The following RASIP1 variants were observed in gnomAD, a reference collection of about 807,000 sequenced individuals.
RASIP1 encodes Ras interacting protein 1, also known as ras-interacting protein 1.
RASIP1 carries 20 observed loss-of-function variants against 85.3 expected under a neutral mutation model. That is an observed-to-expected ratio of 0.23 (90% confidence interval 0.17 to 0.34). The LOEUF is 0.34. Among genes scored for constraint, RASIP1 ranks in the 10% least tolerant of loss-of-function variants. RASIP1 has a pLI of 1.00. For missense variants in RASIP1, 1,170 were observed against 1,390.9 expected (o/e 0.84, Z 2.53); for synonymous variants, 617 against 647.1 (o/e 0.95, Z 0.71).
At position 48,735,376 on chromosome 19, in the gene RASIP1, C is replaced by G; in HGVS notation, c.999G>C (p.Gln333His). 1 of 1,613,382 alleles carries G rather than the reference C, an allele frequency of 6.2e-7. No homozygotes were observed. Among genetic ancestry groups the G allele is most frequent in the Non-Finnish European group, 8.5e-7 (1 of 1,179,880 alleles). Residue 333 changes from glutamine to histidine, a missense_variant, in exon 4 of 12, where the codon CAG becomes CAC. Physicochemically the swap from Gln to His is conservative, Grantham distance 24 (BLOSUM62 0). This residue lies in a region of RASIP1 where 301 missense variants were observed against 294.8 expected (regional missense o/e 1.02). Transcript: ENST00000222145. The stretch of plus-strand genomic sequence containing the variant: ...GCTCCTGCTGCCGCCGCCGCCGCCC[C>G]TGAAGGCTAAGCTCCGACACGCTGC... ...LRRSVSELSL[Q>H]GRRRRQQERR... is the part of the protein sequence containing the mutation.
In RASIP1 at chr19:48,726,788, G is replaced by T; in HGVS notation, c.2124C>A (p.Thr708=). The change falls in exon 8 of 12, where the codon ACC becomes ACA. Residue 708 remains threonine (T), a synonymous_variant. Transcript: ENST00000222145. ...GAAGTAAGAGGCAAGGGCCAACCTT[G>T]GTGAGGTAGTAGACAGACTGCTGGA... The part of the protein sequence containing the change: ...CTFQQSVYYL[T]KTLYSTLPAL... The T allele has an allele frequency of 6.2e-7, 1 of 1,605,708 alleles. No homozygotes were observed. Among genetic ancestry groups the T allele is most frequent in the East Asian group, 2.2e-5 (1 of 44,838 alleles).
intron 6 of RASIP1, 52 bp downstream of exon 6, chr19:48,727,340 CA>C: frequency 6.3e-7 from 1 of 1,598,170 alleles, no homozygotes; most frequent in South Asian, 1.1e-5. Flanking sequence ...GAACTAGACG[CA>C]AAACCCAACC....
chr19:48,740,018 G>T lies in RASIP1; in HGVS notation c.137+128C>A. The T allele has an allele frequency of 7.9e-7, 1 of 1,272,982 alleles. No individual in the cohort carries two copies. The highest frequency in any genetic ancestry group is 1.1e-6 in the Non-Finnish European group (1 of 951,462). 78.9% of individuals were successfully genotyped at this position (1,272,982 alleles called of 1,614,324 possible). A position where few individuals can be genotyped will look rare whatever the true frequency, so the allele number is the denominator to read the frequency against. ...TCACTGTGCCCCACCGTCTCCCCCT[G>T]CCCACCAGCTCGTTTGCCCAATTCA... On this transcript the variant is annotated intron_variant, in intron 2 of 11. Coordinates refer to ENST00000222145, the MANE Select transcript of RASIP1 (RefSeq NM_017805.3). The surrounding 1 kb of genome is among the most constrained non-coding windows in gnomAD (Gnocchi z 5.5).
rs1190658247 is a variant in RASIP1 at position 48,740,155 on chromosome 19, G to A, written c.128C>T (p.Ala43Val). The change falls in exon 2 of 12, where the codon GCC becomes GTC. Residue 43 changes from alanine to valine, a missense_variant. Physicochemically the swap from Ala to Val is moderately conservative, Grantham distance 64. This residue lies in a region of RASIP1 where 299 missense variants were observed against 394.4 expected (regional missense o/e 0.76). Transcript: ENST00000222145. The surrounding 1 kb of genome is among the most constrained non-coding windows in gnomAD (Gnocchi z 5.5). ...CAGAGATGGCACTCACTTGACAGAGGCTGCGCTGGGCCAGCGCCGCCCCAG... is the reference window on the plus strand; with the variant it reads ...CAGAGATGGCACTCACTTGACAGAGACTGCGCTGGGCCAGCGCCGCCCCAG... ...AKLGRRWPSA[A>V]SVKSSSSDTG... The A allele has an allele frequency of 6.3e-7, 1 of 1,592,296 alleles. No homozygotes were observed. The highest frequency in any genetic ancestry group is 1.4e-5 in the African/African-American group (1 of 73,100).
intron 4 of RASIP1, 119 bp from the exon 5 acceptor site, chr19:48,729,709 C>CTTTTTTTTTTTTT (rs35424254): frequency 5.2e-6 from 2 of 381,368 alleles, no homozygotes; most frequent in African/African-American, 7.6e-5. Flanking sequence ...CCTTCTTCTT[C>CTTTTTTTTTTTTT]TTTTTTTTTT....
chr19:48,739,717 A>G lies in RASIP1; in HGVS notation c.138-72T>C. On this transcript the variant is annotated intron_variant, in intron 2 of 11. Coordinates refer to ENST00000222145, the MANE Select transcript of RASIP1 (RefSeq NM_017805.3). The surrounding 1 kb of genome is among the most constrained non-coding windows in gnomAD (Gnocchi z 9.2). Reference sequence around the variant, plus strand: ...GACACGCCAAGACGGGGGTGGGGGCATATTAGGAGGGAAGTGGGCAGAGAC... The same window carrying G: ...GACACGCCAAGACGGGGGTGGGGGCGTATTAGGAGGGAAGTGGGCAGAGAC... 3 of 1,123,220 alleles carry G rather than the reference A, an allele frequency of 2.7e-6. No homozygotes were observed. The highest frequency in any genetic ancestry group is 3.3e-6 in the Non-Finnish European group (3 of 908,552). 69.6% of individuals were successfully genotyped at this position (1,123,220 alleles called of 1,614,324 possible). A position where few individuals can be genotyped will look rare whatever the true frequency, so the allele number is the denominator to read the frequency against.
Position 48,724,713 on chromosome 19 carries a change from T to C in RASIP1, c.2371+4A>G. On this transcript the variant is annotated splice_donor_region_variant and intron_variant, in intron 9 of 11. Transcript: ENST00000222145. This position sits in a 1 kb window ranked among gnomAD's most constrained non-coding sequence, Gnocchi z 4.6. ...CTCCCTGACAGCTCCCAGCCAACCT[T>C]CACCTCGTTCCATCAGCGAGTTGAG... 3.1e-6 allele frequency: 5 copies of C among 1,614,106 alleles called. No individual in the cohort carries two copies. Among genetic ancestry groups the C allele is most frequent in the Non-Finnish European group, 4.2e-6 (5 of 1,180,000 alleles).
chr19:48,737,487 A>G (rs764057780), intron 3 of RASIP1: 24 of 985,160 alleles, frequency 2.4e-5, no homozygotes, highest in Non-Finnish European at 2.9e-5. Context: ...CTCTACAGTG[A>G]TATCTTCCTT....
Position 48,729,109 on chromosome 19 carries a change from G to C in RASIP1, c.1661C>G (p.Ala554Gly), listed in dbSNP as rs899531510. The stretch of plus-strand genomic sequence containing the variant: ...GGCGCGCACGATCTCGCCCAGCAGC[G>C]CCTCCTCCTCGCGCGGCCGGAAGCG... ...VLRFRPREEEALLGEIVRAAA... is the reference protein window; with the variant it reads ...VLRFRPREEEGLLGEIVRAAA... The change falls in exon 5 of 12, where the codon GCG becomes GGG. Residue 554 changes from alanine (A) to glycine (G), a missense_variant. This residue lies in a region of RASIP1 where 426 missense variants were observed against 576.2 expected (regional missense o/e 0.74). Transcript: ENST00000222145. 1.5e-6 allele frequency: 2 copies of C among 1,372,002 alleles called. No homozygotes were observed. The highest frequency in any genetic ancestry group is 1.5e-5 in the African/African-American group (1 of 64,594). 85.0% of individuals were successfully genotyped at this position (1,372,002 alleles called of 1,614,324 possible).
chr19:48,725,937 T>A, intron 8 of RASIP1, among the ~76,000 whole-genome samples: 1 of 152,118 alleles, frequency 6.6e-6, no homozygotes, highest in East Asian at 1.9e-4. Flanking sequence ...TTTAATTTTA[T>A]TTTACTTTTT....
In RASIP1 at chr19:48,727,281, C is replaced by T. The variant is rs184898445; in HGVS notation, c.1871+112G>A. 98 of 1,543,048 alleles carry T rather than the reference C, an allele frequency of 6.4e-5. No individual in the cohort carries two copies. The African/African-American group carries it at 8.8e-4, about 14-fold the overall frequency. ...CCATTGCGCAGCTGGAAAAGTTGAG[C>T]GCAAGGAGAAGCAGAAACTTGCACT... On this transcript the variant is annotated intron_variant, in intron 6 of 11. Transcript: ENST00000222145.
chr19:48,733,052 C>T (rs2033492565), intron 4 of RASIP1, among the ~76,000 whole-genome samples: 1 of 152,142 alleles, frequency 6.6e-6, no homozygotes, highest in Admixed American at 6.6e-5. Context: ...TCCAATAACA[C>T]ATTACTCACT....
chr19:48,733,698 T>C (rs1388463853), intron 4 of RASIP1, among the ~76,000 whole-genome samples: 2 of 151,758 alleles, frequency 1.3e-5, no homozygotes, highest in East Asian at 3.9e-4. Flanking sequence ...TCCCAGCTAC[T>C]CAGGAGGCCG....
At position 48,728,241 on chromosome 19, in the gene RASIP1, T is replaced by C. The variant is rs969069003; in HGVS notation, c.1833+696A>G. 4.6e-5 allele frequency among the ~76,000 whole-genome samples: 7 copies of C among 152,188 alleles called. No homozygotes were observed. The South Asian group carries it at 1.4e-3, about 31-fold the overall frequency. On this transcript the variant is annotated intron_variant, in intron 5 of 11. Transcript: ENST00000222145. ...ATTTGTGCTTCCTCGCCTCCAAGAA[T>C]GAACTCGCTCACTGCTATCCAAGCT...
Position 48,720,732 on chromosome 19 carries a change from A to T in RASIP1, c.*66T>A. 1 of 1,522,260 alleles carries T rather than the reference A, an allele frequency of 6.6e-7. No homozygotes were observed. The highest frequency in any genetic ancestry group is 9.1e-7 in the Non-Finnish European group (1 of 1,101,184). 94.3% of individuals were successfully genotyped at this position (1,522,260 alleles called of 1,614,324 possible). A position where few individuals can be genotyped will look rare whatever the true frequency, so the allele number is the denominator to read the frequency against. On this transcript the variant is annotated 3_prime_UTR_variant, in exon 12 of 12. Transcript: ENST00000222145. ...ACAACTCCCAGAAAGCTTTGCGCTC[A>T]GGCGGGCTCCTGTCCGTAGAAGCCC...
intron 5 of RASIP1, among the ~76,000 whole-genome samples, chr19:48,728,522 T>G: frequency 6.6e-6 from 1 of 152,016 alleles, no homozygotes; most frequent in East Asian, 1.9e-4. Flanking sequence ...TCCCAGCACT[T>G]TGGGAGGCCG....
rs375784788 is a variant in RASIP1 at position 48,724,914 on chromosome 19, G to C, written c.2174C>G (p.Thr725Arg). The C allele has an allele frequency of 6.2e-7, 1 of 1,614,212 alleles. No individual in the cohort carries two copies. The highest frequency in any genetic ancestry group is 2.2e-5 in the East Asian group (1 of 44,886). ...AGGCCCCGGCAGCTCTGCACCAGCT[G>C]TGAAAGGGTTACTATCCAGGAGAGC... is the stretch of plus-strand genomic sequence containing the variant. The part of the protein sequence containing the change: ...LPALLDSNPF[T>R]AGAELPGPGA... The change falls in exon 9 of 12, where the codon ACA becomes AGA. Residue 725 changes from threonine to arginine, a missense_variant. Thr to Arg is a moderately conservative substitution (Grantham distance 71). Coordinates refer to ENST00000222145, the MANE Select transcript of RASIP1 (RefSeq NM_017805.3). This position sits in a 1 kb window ranked among gnomAD's most constrained non-coding sequence, Gnocchi z 4.6.
chr19:48,721,027 T>G (rs758307264), intron 11 of RASIP1, 30 bp from the exon 12 acceptor site: 2 of 1,539,742 alleles, frequency 1.3e-6, no homozygotes, highest in Non-Finnish European at 8.8e-7. Context: ...GCGGTTAGAG[T>G]CTGAAAGTGG....
intron 5 of RASIP1, 102 bp downstream of exon 5, chr19:48,728,835 A>T: frequency 8.2e-7 from 1 of 1,221,810 alleles, no homozygotes; most frequent in Non-Finnish European, 1.1e-6. Flanking sequence ...TGGGAACAGT[A>T]GTATCCAGCC....
Sources: allele counts gnomAD v4.1 joint callset (sites outside exome capture counted in the v4.1 genomes callset), GRCh38; gene constraint gnomAD v4.1.1; regional missense constraint gnomAD v4.1.1; non-coding constraint Gnocchi (gnomAD v3.1); transcripts MANE v1.5; gene names NCBI Gene and HGNC (gene_info 2026-07-23, HGNC 2026-07-21).